RNF150: variants seen among roughly 807,000 people sequenced by gnomAD.
The protein encoded by RNF150 is ring finger protein 150.
Under a neutral mutation model 39.3 loss-of-function variants are expected in RNF150, and 24 were observed. The ratio of observed to expected loss-of-function variants is 0.61; its 90% CI spans 0.44 to 0.86. The LOEUF is 0.86. Among genes scored for constraint, RNF150 ranks in the 40% least tolerant of loss-of-function variants. The probability of loss-of-function intolerance (pLI) is 0.00; values close to 1 mark genes in which losing one functional copy is unlikely to be tolerated. For synonymous variants in RNF150, 255 were observed against 227.3 expected, an observed-to-expected ratio of 1.12 and a Z score of -1.10; for missense variants, 502 against 587.8, an observed-to-expected ratio of 0.85 and a Z score of 1.51.
At chr4:141,067,474 G>A (rs1737506492) in intron 1 of RNF150, among the ~76,000 whole-genome samples, 1 of 152,150 alleles carries the variant, frequency 6.6e-6, no homozygotes, top group African/African-American at 2.4e-5. Flanking sequence ...GGCTGGATAT[G>A]CCTACATAGC....
intron 4 of RNF150, among the ~76,000 whole-genome samples, chr4:140,942,837 C>G (rs1382892492): frequency 6.6e-6 from 1 of 152,120 alleles, no homozygotes; most frequent in East Asian, 1.9e-4. Context: ...GAAGCATCTA[C>G]CAAAGATGAT....
intron 1 of RNF150, among the ~76,000 whole-genome samples, chr4:141,179,383 T>C (rs144044559): frequency 9.1e-4 from 139 of 152,350 alleles, no homozygotes; most frequent in African/African-American, 3.2e-3. Context: ...ATATTTAAAA[T>C]AGTTCAATAG....
chr4:141,029,756 T>C (rs1190649756), intron 1 of RNF150, among the ~76,000 whole-genome samples: 1 of 152,096 alleles, frequency 6.6e-6, no homozygotes, highest in Admixed American at 6.6e-5. Flanking sequence ...TGTGAGAAAA[T>C]ATTTGCAAAT....
At chr4:141,066,388 T>C (rs543859340) in intron 1 of RNF150, among the ~76,000 whole-genome samples, 52 of 152,294 alleles carry the variant, frequency 3.4e-4, no homozygotes, top group African/African-American at 1.2e-3. Context: ...AAGAGATCAT[T>C]GTACTGTGAA....
intron 1 of RNF150, among the ~76,000 whole-genome samples, chr4:140,998,119 G>A (rs368516203): frequency 3.3e-5 from 5 of 152,152 alleles, no homozygotes; most frequent in African/African-American, 1.2e-4. Flanking sequence ...CTTCAGTTAG[G>A]TAACGCAAAA....
intron 4 of RNF150, among the ~76,000 whole-genome samples, chr4:140,945,589 T>C (rs973030573): frequency 6.8e-6 from 1 of 147,672 alleles, no homozygotes; most frequent in Non-Finnish European, 1.5e-5. Flanking sequence ...ATATACTACA[T>C]ATATACATAT....
At chr4:140,942,024 C>T (rs551500334) in intron 4 of RNF150, among the ~76,000 whole-genome samples, 5 of 152,240 alleles carry the variant, frequency 3.3e-5, no homozygotes, top group Admixed American at 6.5e-5. Flanking sequence ...TTAGTGAATT[C>T]AGAGTTTCAT....
intron 1 of RNF150, among the ~76,000 whole-genome samples, chr4:141,088,244 C>G (rs1174191794): frequency 6.6e-6 from 1 of 152,166 alleles, no homozygotes; most frequent in Non-Finnish European, 1.5e-5. Context: ...TCTCGGCCCC[C>G]CGGCATATAC....
intron 1 of RNF150, among the ~76,000 whole-genome samples, chr4:140,990,973 T>A (rs1448285315): frequency 2.0e-5 from 3 of 152,220 alleles, no homozygotes; most frequent in Admixed American, 6.5e-5. Flanking sequence ...GTGTTCCTAT[T>A]TCTCTGCAAC....
rs376226339 is a variant in RNF150, at chr4:140,911,209, G to C, written c.1133C>G (p.Ala378Gly). Residue 378 changes from alanine to glycine, a missense_variant, in exon 6 of 7, where the codon GCC becomes GGC. By Grantham distance (60) the Ala-to-Gly change is moderately conservative. Transcript: ENST00000515673. Reference protein sequence around the residue: ...TLDPAVRTVGALQVVQDTDPI... With the variant: ...TLDPAVRTVGGLQVVQDTDPI... The stretch of plus-strand genomic sequence containing the variant: ...GTCTGTATCCTGGACCACCTGCAAG[G>C]CTCCCACAGTCCGGACAGCAGGGTC... 1.2e-6 allele frequency: 2 copies of C among 1,613,998 alleles called. No individual in the cohort carries two copies. Among genetic ancestry groups the C allele is most frequent in the Non-Finnish European group, 1.7e-6 (2 of 1,180,026 alleles).
At chr4:140,910,950 A>G in intron 6 of RNF150, 194 bp downstream of exon 6, 2 of 604,140 alleles carry the variant, frequency 3.3e-6, no homozygotes, top group Admixed American at 6.0e-5. Context: ...ATGGGCACAC[A>G]GAGCCAGGTG....
chr4:141,159,567 G>T (rs912900927), intron 1 of RNF150, among the ~76,000 whole-genome samples: 4 of 151,824 alleles, frequency 2.6e-5, no homozygotes, highest in African/African-American at 9.7e-5. Context: ...TTTTTTAATA[G>T]GGCCTTGCTG....
chr4:141,041,135 A>G (rs1736352261), intron 1 of RNF150, among the ~76,000 whole-genome samples: 1 of 152,196 alleles, frequency 6.6e-6, no homozygotes, highest in South Asian at 2.1e-4. Context: ...CCTACAGCAA[A>G]AAACTGGAAT....
chr4:141,093,138 G>A lies in RNF150; in HGVS notation c.484+39187C>T, dbSNP rs570981732. On this transcript the variant is annotated intron_variant, in intron 1 of 6. Coordinates refer to ENST00000515673, the MANE Select transcript of RNF150 (RefSeq NM_020724.2). ...TCCCAGCACTTTGGGAGGCCAAGGC[G>A]GGTAGATTACAAGGTCAGGAGATCA... Among the ~76,000 whole-genome samples, 158 of 152,188 alleles carry A rather than the reference G, an allele frequency of 1.0e-3. 1 individual carries two copies. The highest frequency in any genetic ancestry group is 5.7e-4 in the Non-Finnish European group (39 of 68,010).
chr4:140,933,269 A>G (rs886775952), intron 4 of RNF150, among the ~76,000 whole-genome samples: 1 of 152,240 alleles, frequency 6.6e-6, no homozygotes, highest in Non-Finnish European at 1.5e-5. Flanking sequence ...AAGCATGGGA[A>G]GAACTTTGAA....
chr4:141,096,253 G>C (rs1738778518), intron 1 of RNF150, among the ~76,000 whole-genome samples: 1 of 131,182 alleles, frequency 7.6e-6, no homozygotes. Flanking sequence ...CTGGAGTACA[G>C]TGGTGCAGTC....
rs189419521 is a variant in RNF150 at position 141,167,879 on chromosome 4, A to G, written c.-6+44915T>C. Among the ~76,000 whole-genome samples, 17 of 152,324 alleles carry G rather than the reference A, an allele frequency of 1.1e-4. No homozygotes were observed. The East Asian group carries it at 3.1e-3, about 28-fold the overall frequency. ...AGGAAATACCATTCAGGACATAGGC[A>G]TGGGCAAAGACTTCATGATTAAAAC... On this transcript the variant is annotated intron_variant, in intron 1 of 7. Transcript: ENST00000420921.
chr4:140,929,825 G>A (rs1360316018), intron 4 of RNF150, among the ~76,000 whole-genome samples: 1 of 152,052 alleles, frequency 6.6e-6, no homozygotes. Context: ...ATCTGGGTGG[G>A]CCTTATGCAA....
chr4:140,911,451 G>A, intron 5 of RNF150, 97 bp from the exon 6 acceptor site: 1 of 971,316 alleles, frequency 1.0e-6, no homozygotes, highest in Non-Finnish European at 1.5e-6. Context: ...AAAAAATTAA[G>A]TTCTTTATTG....
Sources: gnomAD v4.1 joint callset for allele counts (sites outside exome capture counted in the v4.1 genomes callset) on GRCh38, gnomAD v4.1.1 for gene constraint, MANE v1.5 for transcripts, NCBI Gene and HGNC (gene_info 2026-07-23, HGNC 2026-07-21) for gene names.